Variants in KALRN observed in about 807,000 individuals in gnomAD.
KALRN encodes the protein kalirin RhoGEF kinase.
Under a neutral mutation model 353.7 loss-of-function variants are expected in KALRN, and 70 were observed. That is an observed-to-expected ratio of 0.20 (90% confidence interval 0.16 to 0.24). The LOEUF is 0.24. Among genes scored for constraint, KALRN ranks in the 10% least tolerant of loss-of-function variants. The pLI is 1.00. For missense variants in KALRN, 2,791 were observed against 3,756.7 expected (o/e 0.74, Z 6.72); for synonymous variants, 1,391 against 1,434.8 (o/e 0.97, Z 0.69).
intron 36 of KALRN, 37 bp downstream of exon 36, chr3:124,633,990 G>A (rs747459845): frequency 9.2e-6 from 14 of 1,524,780 alleles, no homozygotes; most frequent in East Asian, 9.1e-5. Flanking sequence ...AAAGAGCAAC[G>A]TGCCGTGCGT....
chr3:124,178,445 G>A (rs547047967), intron 1 of KALRN, among the ~76,000 whole-genome samples: 81 of 152,270 alleles, frequency 5.3e-4, no homozygotes, highest in African/African-American at 1.8e-3. Flanking sequence ...TACAAACCTC[G>A]TAGAATGTAC....
intron 38 of KALRN, 106 bp from the exon 39 acceptor site, chr3:124,655,494 AG>A: frequency 1.2e-6 from 1 of 808,068 alleles, no homozygotes. Context: ...GGGTGTTTTA[AG>A]GGGTCTTGTT....
At chr3:124,409,247 C>T (rs1467650058) in intron 13 of KALRN, among the ~76,000 whole-genome samples, 5 of 152,164 alleles carry the variant, frequency 3.3e-5, no homozygotes, top group East Asian at 1.9e-4. Context: ...AAGCGGAATG[C>T]CCTCTGGGAA....
At chr3:124,447,221 A>C (rs141956541) in intron 21 of KALRN, among the ~76,000 whole-genome samples, 5 of 152,324 alleles carry the variant, frequency 3.3e-5, no homozygotes, top group African/African-American at 1.2e-4. Context: ...TCACATGTGC[A>C]TGTGAACACT....
At position 124,377,775 on chromosome 3, in the gene KALRN, G is replaced by T. The variant is rs148338487; in HGVS notation, c.1771-7070G>T. Among the ~76,000 whole-genome samples the T allele has an allele frequency of 1.9e-4, 29 of 152,234 alleles. No homozygotes were observed. In the East Asian group the frequency reaches 5.2e-3, roughly 27 times the overall value. On this transcript the variant is annotated intron_variant, in intron 10 of 59. Coordinates refer to ENST00000682506, the MANE Select transcript of KALRN (RefSeq NM_001388419.1). ...CATCCTCTTGATGAATTGACCCCTT[G>T]ATCATTATCAAATGATAATATTATT...
rs753761954 is a variant in KALRN, at chr3:124,666,615, T to C, written c.6512T>C (p.Met2171Thr). The change falls in exon 46 of 60, where the codon ATG (methionine) becomes ACG (threonine). Residue 2171 changes from methionine (M) to threonine (T), a missense_variant. This residue lies in a region of KALRN where 1,065 missense variants were observed against 1,156.4 expected (regional missense o/e 0.92). Coordinates refer to ENST00000682506, the MANE Select transcript of KALRN (RefSeq NM_001388419.1). Reference protein sequence around the residue: ...LRKGSLTPGYMFKRSIKMNYL... With the variant: ...LRKGSLTPGYTFKRSIKMNYL... ...AAGGGATCCCTCACCCCTGGCTACA[T>C]GTTCAAAAGGAGCATCAAGGTGAGG... 6.2e-7 allele frequency: 1 copy of C among 1,613,902 alleles called. No individual in the cohort carries two copies. The highest frequency in any genetic ancestry group is 1.3e-5 in the African/African-American group (1 of 74,896).
chr3:124,656,841 G>T (rs368827894), intron 39 of KALRN, among the ~76,000 whole-genome samples: 1 of 152,170 alleles, frequency 6.6e-6, no homozygotes, highest in East Asian at 1.9e-4. Flanking sequence ...TGTGGGGCTG[G>T]GGGGTGGAAG....
chr3:124,580,205 C>A (rs563462753), intron 34 of KALRN, among the ~76,000 whole-genome samples: 50 of 152,314 alleles, frequency 3.3e-4, no homozygotes, highest in African/African-American at 1.1e-3. Context: ...TTTTAACACA[C>A]CCTCCAGGTG....
intron 1 of KALRN, chr3:124,151,870 G>A: frequency 2.0e-6 from 1 of 509,220 alleles, no homozygotes; most frequent in South Asian, 2.7e-5. Context: ...CGGTGAGAAA[G>A]AGAGGTTATT....
chr3:124,694,878 A>C (rs1047191649), intron 53 of KALRN, among the ~76,000 whole-genome samples: 2 of 152,200 alleles, frequency 1.3e-5, no homozygotes, highest in South Asian at 2.1e-4. Flanking sequence ...TCAAGCATGC[A>C]CCATACTTAT....
At chr3:124,604,355 A>C (rs1178027857) in intron 34 of KALRN, among the ~76,000 whole-genome samples, 1 of 152,134 alleles carries the variant, frequency 6.6e-6, no homozygotes, top group African/African-American at 2.4e-5. Context: ...TGTGGAAGTT[A>C]TGCATCGAGC....
At chr3:124,413,745 C>A in intron 14 of KALRN, 80 bp downstream of exon 14, 1 of 1,071,092 alleles carries the variant, frequency 9.3e-7, no homozygotes, top group Non-Finnish European at 1.4e-6. Flanking sequence ...AGCAGTGCCA[C>A]ATCGTTTATT....
At chr3:124,123,805 GC>G (rs1234996131) in intron 1 of KALRN, among the ~76,000 whole-genome samples, 1 of 152,178 alleles carries the variant, frequency 6.6e-6, no homozygotes, top group Non-Finnish European at 1.5e-5. Context: ...ATCCAAGAAA[GC>G]CTGGATGACA....
chr3:124,204,581 A>C (rs1183251408), intron 1 of KALRN, among the ~76,000 whole-genome samples: 1 of 134,702 alleles, frequency 7.4e-6, no homozygotes, highest in Non-Finnish European at 1.6e-5. Context: ...CAAGAAGTTA[A>C]ATGTTGTGTA....
chr3:124,660,680 C>CAAAAAA (rs5852424), intron 43 of KALRN, among the ~76,000 whole-genome samples: 12 of 93,752 alleles, frequency 1.3e-4, no homozygotes, highest in South Asian at 1.3e-3. Flanking sequence ...GACTATGTCT[C>CAAAAAA]AAAAAAAAAA....
intron 45 of KALRN, among the ~76,000 whole-genome samples, chr3:124,666,062 G>A (rs2085571248): frequency 1.3e-5 from 2 of 152,150 alleles, no homozygotes; most frequent in Non-Finnish European, 2.9e-5. Flanking sequence ...CGTTCTCAGA[G>A]CTCTGAGGAT....
intron 1 of KALRN, among the ~76,000 whole-genome samples, chr3:124,142,178 G>C (rs538220809): frequency 2.1e-4 from 32 of 152,270 alleles, no homozygotes; most frequent in Admixed American, 1.2e-3. Flanking sequence ...CAGAGACATA[G>C]GGCTAAGCTT....
intron 5 of KALRN, among the ~76,000 whole-genome samples, chr3:124,277,758 C>T (rs1000628200): frequency 4.6e-5 from 7 of 152,184 alleles, no homozygotes; most frequent in East Asian, 1.9e-4. Flanking sequence ...CTCCCTTCCA[C>T]GGTTCTCTCA....
At chr3:124,047,373 C>T (rs1376437803) in intron 1 of KALRN, among the ~76,000 whole-genome samples, 1 of 151,780 alleles carries the variant, frequency 6.6e-6, no homozygotes, top group Non-Finnish European at 1.5e-5. Flanking sequence ...GAGTTTTAGT[C>T]ATTCATTGAC....
Sources: allele counts gnomAD v4.1 joint callset (sites outside exome capture counted in the v4.1 genomes callset), GRCh38; gene constraint gnomAD v4.1.1; regional missense constraint gnomAD v4.1.1; transcripts MANE v1.5; gene names NCBI Gene and HGNC (gene_info 2026-07-23, HGNC 2026-07-21).